TNNI3K: variants seen among roughly 807,000 people sequenced by gnomAD.
The protein encoded by TNNI3K is TNNI3 interacting kinase, also known as serine/threonine-protein kinase TNNI3K.
In TNNI3K, 140 loss-of-function variants were observed where a neutral mutation model predicts 114.5. That is an observed-to-expected ratio of 1.22 (90% CI 1.07 to 1.41). The LOEUF (loss-of-function observed/expected upper bound fraction) is 1.41. TNNI3K is among the 40% of genes most tolerant of loss of function. TNNI3K has a pLI of 0.00. For synonymous variants in TNNI3K, 347 were observed against 347.5 expected, an observed-to-expected ratio of 1.00 and a Z score of 0.02; for missense variants, 1,125 against 1,007.6, an observed-to-expected ratio of 1.12 and a Z score of -1.58.
chr1:74,480,898 C>T (rs970368225), intron 21 of TNNI3K: 3 of 717,354 alleles, frequency 4.2e-6, no homozygotes, highest in Admixed American at 2.0e-5. Flanking sequence ...ACAAGAGAGA[C>T]AGGTTTGTGC....
intron 23 of TNNI3K, among the ~76,000 whole-genome samples, chr1:74,511,342 G>A (rs1293428432): frequency 2.0e-5 from 3 of 152,200 alleles, no homozygotes; most frequent in East Asian, 3.9e-4. Context: ...ACAGGCACAC[G>A]TCACTACACC....
In TNNI3K at chr1:74,544,242, G is replaced by C; in HGVS notation, c.*260G>C. 1 of 383,180 alleles carries C rather than the reference G, an allele frequency of 2.6e-6. No individual in the cohort carries two copies. Among genetic ancestry groups the C allele is most frequent in the Non-Finnish European group, 4.6e-6 (1 of 218,088 alleles). The allele number at this position is 383,180 out of a possible 1,614,324, so 23.7% of individuals were successfully genotyped here. On this transcript the variant is annotated 3_prime_UTR_variant, in exon 25 of 25. Coordinates refer to ENST00000326637, the MANE Select transcript of TNNI3K (RefSeq NM_015978.3). ...TGTAAATTAAAAAAAAATTTAGATCGTTACTTGGAAATGGAGCCTAAGTCT... is the reference window on the plus strand; with the variant it reads ...TGTAAATTAAAAAAAAATTTAGATCCTTACTTGGAAATGGAGCCTAAGTCT...
chr1:74,327,727 A>G (rs1219983666), intron 5 of TNNI3K, among the ~76,000 whole-genome samples: 1 of 147,356 alleles, frequency 6.8e-6, no homozygotes, highest in Admixed American at 6.8e-5. Context: ...AATATTAAAC[A>G]CATATTTAAT....
At chr1:74,378,641 T>TATATAAAATATATATATA (rs1663044515) in intron 17 of TNNI3K, 5 of 123,278 alleles carry the variant, frequency 4.1e-5, no homozygotes, top group African/African-American at 1.2e-4. Flanking sequence ...TATATATATA[T>TATATAAAATATATATATA]TTCATTTCAT....
chr1:74,314,050 TATATA>T (rs1557491420), intron 5 of TNNI3K, among the ~76,000 whole-genome samples: 10 of 43,706 alleles, frequency 2.3e-4, no homozygotes, highest in South Asian at 2.1e-3. Flanking sequence ...GTTCATTATA[TATATA>T]TATATATATA....
chr1:74,329,169 T>C (rs1243277762), intron 5 of TNNI3K, among the ~76,000 whole-genome samples: 1 of 152,116 alleles, frequency 6.6e-6, no homozygotes. Context: ...CAAACAGACC[T>C]GGTTTTGAAT....
In TNNI3K at chr1:74,343,117, C is replaced by T. The variant is rs549921629; in HGVS notation, c.870C>T (p.Ile290=). 6.2e-7 allele frequency: 1 copy of T among 1,613,412 alleles called. No homozygotes were observed. The highest frequency in any genetic ancestry group is 8.5e-7 in the Non-Finnish European group (1 of 1,179,784). The change falls in exon 9 of 25, where the codon ATC becomes ATT. Residue 290 remains isoleucine, a synonymous_variant. Transcript: ENST00000326637. ...AATTTGAAGTTGCCAAGGAAATCAT[C>T]CAAATATCAGGAACAGAAAGTCTGA... The part of the protein sequence containing the change: ...NGKFEVAKEI[I]QISGTESLTK...
chr1:74,241,935 C>T (rs1425225885), intron 2 of TNNI3K, among the ~76,000 whole-genome samples: 5 of 151,484 alleles, frequency 3.3e-5, no homozygotes, highest in Admixed American at 6.6e-5. Context: ...CTGCAAGCTC[C>T]GCCTCCTGGA....
intron 20 of TNNI3K, among the ~76,000 whole-genome samples, chr1:74,446,528 G>T (rs1194365892): frequency 6.8e-6 from 1 of 147,264 alleles, no homozygotes; most frequent in Non-Finnish European, 1.5e-5. Context: ...TTGCTGTGCA[G>T]AAGCTCTTTA....
At chr1:74,396,793 A>G (rs1378593692) in intron 17 of TNNI3K, among the ~76,000 whole-genome samples, 1 of 152,198 alleles carries the variant, frequency 6.6e-6, no homozygotes, top group African/African-American at 2.4e-5. Context: ...AAAAGAGGAG[A>G]TTCCTCCTGC....
intron 5 of TNNI3K, among the ~76,000 whole-genome samples, chr1:74,325,459 G>A (rs193226196): frequency 6.6e-6 from 1 of 152,276 alleles, no homozygotes; most frequent in East Asian, 1.9e-4. Flanking sequence ...CTGGGAAGAG[G>A]CAGAGAATTA....
chr1:74,460,296 T>G (rs989120872), intron 20 of TNNI3K, among the ~76,000 whole-genome samples: 1 of 152,044 alleles, frequency 6.6e-6, no homozygotes, highest in African/African-American at 2.4e-5. Flanking sequence ...CTCAATCTCC[T>G]GACCTCGTGA....
chr1:74,349,698 G>C (rs527692221), intron 9 of TNNI3K, among the ~76,000 whole-genome samples: 2 of 152,128 alleles, frequency 1.3e-5, no homozygotes, highest in African/African-American at 4.8e-5. Context: ...GTTTAGTCTT[G>C]GGAGAGTGTA....
intron 17 of TNNI3K, among the ~76,000 whole-genome samples, chr1:74,379,648 A>T (rs1663095758): frequency 6.6e-6 from 1 of 152,024 alleles, no homozygotes; most frequent in Non-Finnish European, 1.5e-5. Flanking sequence ...CATTATTTCC[A>T]CAGAGATTCA....
intron 23 of TNNI3K, among the ~76,000 whole-genome samples, chr1:74,530,725 T>A (rs927431786): frequency 3.0e-5 from 1 of 33,340 alleles, no homozygotes; most frequent in Non-Finnish European, 4.8e-5. Context: ...CTCAAAAAGT[T>A]TTTTTTTTTT....
intron 11 of TNNI3K, among the ~76,000 whole-genome samples, chr1:74,357,781 C>G (rs1251352861): frequency 2.0e-5 from 3 of 152,076 alleles, no homozygotes; most frequent in African/African-American, 7.2e-5. Context: ...CCCATCTCTC[C>G]CCTTCTTCGT....
intron 5 of TNNI3K, among the ~76,000 whole-genome samples, chr1:74,285,251 C>T (rs1248370248): frequency 6.6e-6 from 1 of 152,182 alleles, no homozygotes; most frequent in Non-Finnish European, 1.5e-5. Flanking sequence ...TGAACAAAAA[C>T]CTTTCTGACC....
chr1:74,338,785 A>G (rs1660609865), intron 7 of TNNI3K, among the ~76,000 whole-genome samples: 1 of 152,184 alleles, frequency 6.6e-6, no homozygotes, highest in Non-Finnish European at 1.5e-5. Flanking sequence ...CGTAAAATGT[A>G]AGAAACATAG....
chr1:74,314,364 A>C (rs1659176761), intron 5 of TNNI3K, among the ~76,000 whole-genome samples: 1 of 152,048 alleles, frequency 6.6e-6, no homozygotes, highest in Non-Finnish European at 1.5e-5. Flanking sequence ...AATTTTCTTT[A>C]ACAAAGAACA....
Sources: gnomAD v4.1 joint callset for allele counts (sites outside exome capture counted in the v4.1 genomes callset) on GRCh38, gnomAD v4.1.1 for gene constraint, MANE v1.5 for transcripts, NCBI Gene and HGNC (gene_info 2026-07-23, HGNC 2026-07-21) for gene names.